SEMA3C: variants seen among roughly 807,000 people sequenced by gnomAD.
SEMA3C encodes the protein semaphorin-3C.
A neutral mutation model predicts 89.4 loss-of-function variants in SEMA3C; 47 were observed. The observed-to-expected ratio is 0.53, with a 90% CI of 0.42 to 0.67. SEMA3C has a LOEUF of 0.67. Among genes scored for constraint, SEMA3C ranks in the 30% least tolerant of loss-of-function variants. The probability of loss-of-function intolerance (pLI) is 0.00; values close to 1 mark genes in which losing one functional copy is unlikely to be tolerated. For missense variants in SEMA3C, 839 were observed against 929.1 expected, an observed-to-expected ratio of 0.90 and a Z score of 1.26; for synonymous variants, 310 against 320.2, an observed-to-expected ratio of 0.97 and a Z score of 0.34.
chr7:80,868,137 A>G (rs957490387), intron 2 of SEMA3C, among the ~76,000 whole-genome samples: 1 of 152,214 alleles, frequency 6.6e-6, no homozygotes, highest in Non-Finnish European at 1.5e-5. Flanking sequence ...GGGATTGCTG[A>G]CTTCTGGAAT....
chr7:80,843,820 A>G (rs934905421), intron 2 of SEMA3C, among the ~76,000 whole-genome samples: 1 of 152,128 alleles, frequency 6.6e-6, no homozygotes, highest in African/African-American at 2.4e-5. Context: ...TAAGAAAAAT[A>G]ATTTTTATTA....
Position 80,750,463 on chromosome 7 carries a change from TATATATATATAC to T in SEMA3C, c.1711+794_1711+805del, listed in dbSNP as rs1248574335. 4.1e-3 allele frequency among the ~76,000 whole-genome samples: 298 copies of T among 72,002 alleles called. 1 individual carries two copies. Among genetic ancestry groups the T allele is most frequent in the African/African-American group, 0.012 (212 of 18,240 alleles). 47.2% of individuals were successfully genotyped at this position (72,002 alleles called of 152,430 possible). A position where few individuals can be genotyped will look rare whatever the true frequency, so the allele number is the denominator to read the frequency against. ...ATATATATATATATATATATATATA[TATATATATATAC>T]ACACACACACACACACACACACACA... On this transcript the variant is annotated intron_variant, in intron 16 of 17. Transcript: ENST00000265361.
intron 9 of SEMA3C, 121 bp from the exon 10 acceptor site, chr7:80,800,947 C>G (rs1789192833): frequency 2.0e-6 from 1 of 489,316 alleles, no homozygotes; most frequent in Non-Finnish European, 3.6e-6. Flanking sequence ...ATTCCTGTAC[C>G]ATTATGGTAA....
intron 11 of SEMA3C, among the ~76,000 whole-genome samples, chr7:80,793,899 A>C (rs902207797): frequency 6.8e-6 from 1 of 147,668 alleles, no homozygotes; most frequent in South Asian, 2.1e-4. Context: ...ATAGATAAAT[A>C]AAGGGTCTTG....
intron 4 of SEMA3C, 85 bp from the exon 5 acceptor site, chr7:80,818,503 T>G: frequency 6.8e-7 from 1 of 1,463,054 alleles, no homozygotes; most frequent in African/African-American, 1.4e-5. Context: ...AGATCTTGTA[T>G]GATAAGTAAC....
intron 2 of SEMA3C, among the ~76,000 whole-genome samples, chr7:80,868,194 G>A (rs1379143200): frequency 6.6e-6 from 1 of 152,166 alleles, no homozygotes; most frequent in African/African-American, 2.4e-5. Context: ...AATAATGGCA[G>A]ACTTGAGAAA....
intron 12 of SEMA3C, among the ~76,000 whole-genome samples, chr7:80,769,630 G>C (rs1046493637): frequency 6.6e-6 from 1 of 152,096 alleles, no homozygotes; most frequent in African/African-American, 2.4e-5. Flanking sequence ...GGCCAAGATG[G>C]GCAGATCACC....
intron 16 of SEMA3C, among the ~76,000 whole-genome samples, chr7:80,749,801 T>C (rs1445624139): frequency 6.6e-6 from 1 of 152,166 alleles, no homozygotes; most frequent in African/African-American, 2.4e-5. Context: ...GACTCTAGTA[T>C]GGCTTCTTGA....
intron 12 of SEMA3C, among the ~76,000 whole-genome samples, chr7:80,765,996 G>A (rs1788293471): frequency 6.6e-6 from 1 of 152,126 alleles, no homozygotes; most frequent in South Asian, 2.1e-4. Context: ...GAAGAAAGAT[G>A]ACTGCAAATG....
chr7:80,742,540 G>A lies in SEMA3C; in HGVS notation c.*2354C>T, dbSNP rs1787706865. On this transcript the variant is annotated 3_prime_UTR_variant, in exon 18 of 18. Transcript: ENST00000265361. ...AAAATAAAAGCTAGAAACATAACTG[G>A]GGAATTCAACATGTTTTATTTTGCC... 6.6e-6 allele frequency: 1 copy of A among 151,864 alleles called. No individual in the cohort carries two copies. The highest frequency in any genetic ancestry group is 2.4e-5 in the African/African-American group (1 of 41,406). The allele number at this position is 151,864 out of a possible 1,614,324, so 9.4% of individuals were successfully genotyped here. A position where few individuals can be genotyped will look rare whatever the true frequency, so the allele number is the denominator to read the frequency against.
intron 2 of SEMA3C, among the ~76,000 whole-genome samples, chr7:80,849,636 G>A (rs1350035231): frequency 6.6e-6 from 1 of 152,048 alleles, no homozygotes; most frequent in Non-Finnish European, 1.5e-5. Context: ...ATATAAATTG[G>A]CATATTGTTT....
chr7:80,844,758 C>T (rs1790349428), intron 2 of SEMA3C, among the ~76,000 whole-genome samples: 1 of 152,238 alleles, frequency 6.6e-6, no homozygotes, highest in African/African-American at 2.4e-5. Context: ...GGCTCTAGAA[C>T]TACTGCCCTT....
At chr7:80,765,562 T>TTTTTG (rs544160095) in intron 12 of SEMA3C, among the ~76,000 whole-genome samples, 38 of 148,660 alleles carry the variant, frequency 2.6e-4, no homozygotes, top group East Asian at 1.4e-3. Flanking sequence ...ACATAAGTTT[T>TTTTTG]TTTTGTTTTG....
At chr7:80,866,897 T>C (rs7784762) in intron 2 of SEMA3C, among the ~76,000 whole-genome samples, 15,144 of 152,238 alleles carry the variant, frequency 0.099, 1,083 homozygotes, top group African/African-American at 0.19. Flanking sequence ...ACATATTTTC[T>C]GACTACATGT....
chr7:80,888,439 AGGT>A, intron 2 of SEMA3C, among the ~76,000 whole-genome samples: 2 of 152,050 alleles, frequency 1.3e-5, no homozygotes, highest in Non-Finnish European at 1.5e-5. Context: ...ATCCCAGTCT[AGGT>A]GATGGGAGTG....
intron 2 of SEMA3C, among the ~76,000 whole-genome samples, chr7:80,899,130 G>A (rs1037232751): frequency 3.0e-4 from 46 of 152,086 alleles, no homozygotes; most frequent in South Asian, 2.1e-3. Flanking sequence ...AACCTCCGCC[G>A]CCCGGGCTCA....
upstream of SEMA3C, among the ~76,000 whole-genome samples, chr7:80,920,580 G>C (rs1393690308): frequency 2.0e-5 from 3 of 152,146 alleles, no homozygotes; most frequent in Non-Finnish European, 2.9e-5. Flanking sequence ...ACGCTGCATA[G>C]TCAAGGAACG....
chr7:80,827,399 T>TTG lies in SEMA3C; in HGVS notation c.327+25_327+26insCA, dbSNP rs749270887. 7 of 1,397,530 alleles carry TTG rather than the reference T, an allele frequency of 5.0e-6. No individual in the cohort carries two copies. In the South Asian group the frequency reaches 6.0e-5, roughly 12 times the overall value. 86.6% of individuals were successfully genotyped at this position (1,397,530 alleles called of 1,614,324 possible). ...CCAAATATTTAAGTTAGTGTTTTTT[T>TTG]TTTTTTTTTTTTTTTTAACACTTAC... On this transcript the variant is annotated intron_variant, in intron 4 of 17. Transcript: ENST00000265361.
At chr7:80,772,473 T>C (rs1788455835) in intron 12 of SEMA3C, among the ~76,000 whole-genome samples, 1 of 152,148 alleles carries the variant, frequency 6.6e-6, no homozygotes, top group African/African-American at 2.4e-5. Flanking sequence ...AAGCTTTGAA[T>C]TGGTAATTGG....
Sources: gnomAD v4.1 joint callset for allele counts (sites outside exome capture counted in the v4.1 genomes callset) on GRCh38, gnomAD v4.1.1 for gene constraint, MANE v1.5 for transcripts, NCBI Gene and HGNC (gene_info 2026-07-23, HGNC 2026-07-21) for gene names.